SLC25A38: variants seen among roughly 807,000 people sequenced by gnomAD.
SLC25A38 encodes mitochondrial glycine transporter.
In SLC25A38, 27 loss-of-function variants were observed where a neutral mutation model predicts 33.4. The ratio of observed to expected loss-of-function variants is 0.81; its 90% CI spans 0.60 to 1.11. The LOEUF (loss-of-function observed/expected upper bound fraction) is 1.11. Among genes scored for constraint, SLC25A38 ranks in the 50% most tolerant of loss-of-function variants. The pLI is 0.00. For missense variants in SLC25A38, 344 were observed against 388.8 expected (o/e 0.88, Z 0.97); for synonymous variants, 123 against 145.9 (o/e 0.84, Z 1.13).
chr3:39,385,821 G>A (rs911060050), intron 1 of SLC25A38, among the ~76,000 whole-genome samples: 7 of 152,192 alleles, frequency 4.6e-5, no homozygotes, highest in East Asian at 3.8e-4. Context: ...GTAGAAGCCG[G>A]AAGGAGAGGC....
At chr3:39,394,904 C>T (rs1047712252) in intron 6 of SLC25A38, among the ~76,000 whole-genome samples, 2 of 151,686 alleles carry the variant, frequency 1.3e-5, no homozygotes, top group Admixed American at 6.6e-5. Context: ...ATCAGGAAAT[C>T]GGGGTGAAAT....
chr3:39,396,437 C>T lies in SLC25A38; in HGVS notation c.832C>T (p.Arg278Ter), dbSNP rs147431446. The change falls in exon 7 of 7, where the codon CGA (arginine) becomes TGA (stop). Residue 278 changes from arginine (R) to a stop codon, truncating the protein, a stop_gained. Transcript: ENST00000650617. LOFTEE classifies it high-confidence loss of function. Reference sequence around the variant, plus strand: ...TGGCTTCTTCCAAGGTGGCATCCCCCGAGCCCTCCGCAGAACTCTAATGGC... The same window carrying T: ...TGGCTTCTTCCAAGGTGGCATCCCCTGAGCCCTCCGCAGAACTCTAATGGC... Reference protein sequence around the residue: ...LRGFFQGGIPRALRRTLMAAM... With the variant: ...LRGFFQGGIP 19 of 1,614,056 alleles carry T rather than the reference C, an allele frequency of 1.2e-5. No homozygotes were observed. Among genetic ancestry groups the T allele is most frequent in the African/African-American group, 9.3e-5 (7 of 74,984 alleles).
rs558117786 is a variant in SLC25A38 at position 39,389,863 on chromosome 3, A to T, written c.191+247A>T. 1.3e-5 allele frequency among the ~76,000 whole-genome samples: 2 copies of T among 152,284 alleles called. No individual in the cohort carries two copies. The highest frequency in any genetic ancestry group is 4.8e-5 in the African/African-American group (2 of 41,550). ...TTACACTTTATTGTGTTAGCTTGTG[A>T]TGTTATAACTGTATTGCCTGGCATG... On this transcript the variant is annotated intron_variant, in intron 2 of 6. Coordinates refer to ENST00000650617, the MANE Select transcript of SLC25A38 (RefSeq NM_017875.4). The surrounding 1 kb of genome is among the most constrained non-coding windows in gnomAD (Gnocchi z 4.5).
At chr3:39,387,635 C>T (rs1319494612) in intron 1 of SLC25A38, among the ~76,000 whole-genome samples, 1 of 151,954 alleles carries the variant, frequency 6.6e-6, no homozygotes, top group Non-Finnish European at 1.5e-5. Context: ...GCCTGTGGGC[C>T]ATTTGAGGGA....
At chr3:39,386,176 A>T (rs915252686) in intron 1 of SLC25A38, among the ~76,000 whole-genome samples, 2 of 151,682 alleles carry the variant, frequency 1.3e-5, no homozygotes, top group Admixed American at 1.3e-4. Flanking sequence ...TTTTTATTCC[A>T]TCTTTTTTTT....
At chr3:39,390,604 C>A in intron 3 of SLC25A38, 97 bp downstream of exon 3, 1 of 1,266,750 alleles carries the variant, frequency 7.9e-7, no homozygotes. Flanking sequence ...ATGTGAGAGT[C>A]AGAAGTGGTG....
chr3:39,386,775 G>GCCA (rs1254051177), intron 1 of SLC25A38, among the ~76,000 whole-genome samples: 1 of 152,170 alleles, frequency 6.6e-6, no homozygotes, highest in Non-Finnish European at 1.5e-5. Flanking sequence ...CAAGTCCAAG[G>GCCA]ATGGTGCTCA....
At chr3:39,394,014 T>G in intron 5 of SLC25A38, among the ~76,000 whole-genome samples, 1 of 152,246 alleles carries the variant, frequency 6.6e-6, no homozygotes. Flanking sequence ...TGACCCATTA[T>G]GAGTGATAGT....
chr3:39,391,452 A>G lies in SLC25A38; in HGVS notation c.288A>G (p.Arg96=), dbSNP rs765578993. The part of the protein sequence containing the change: ...LWKGMSPSIV[R]CVPGVGIYFG... ...GACCTTCTCTGCAGTCCATTGTGAG[A>G]TGTGTCCCTGGCGTTGGAATCTACT... Residue 96 remains arginine (R), a synonymous_variant, in exon 4 of 7, where the codon AGA becomes AGG. Transcript: ENST00000650617. 1.8e-5 allele frequency: 29 copies of G among 1,613,434 alleles called. No individual in the cohort carries two copies. In the East Asian group the frequency reaches 4.5e-4, roughly 25 times the overall value.
rs375721601 is a variant in SLC25A38 at position 39,389,638 on chromosome 3, G to A, written c.191+22G>A. Reference sequence around the variant, plus strand: ...ATGGGTAGGCCCTGCATTTCATTGGGGAACTGATTTCAGCAACTTCTCAGA... The same window carrying A: ...ATGGGTAGGCCCTGCATTTCATTGGAGAACTGATTTCAGCAACTTCTCAGA... On this transcript the variant is annotated intron_variant, in intron 2 of 6. Transcript: ENST00000650617. The surrounding 1 kb of genome is among the most constrained non-coding windows in gnomAD (Gnocchi z 4.5). 1 of 1,613,974 alleles carries A rather than the reference G, an allele frequency of 6.2e-7. No homozygotes were observed. Among genetic ancestry groups the A allele is most frequent in the African/African-American group, 1.3e-5 (1 of 74,898 alleles).
chr3:39,386,651 T>G (rs556897086), intron 1 of SLC25A38, among the ~76,000 whole-genome samples: 2 of 152,174 alleles, frequency 1.3e-5, no homozygotes, highest in African/African-American at 4.8e-5. Context: ...AGATGACAAA[T>G]GGGTAAAAAA....
intron 6 of SLC25A38, among the ~76,000 whole-genome samples, chr3:39,396,125 G>T (rs778469337): frequency 6.6e-6 from 1 of 151,832 alleles, no homozygotes; most frequent in East Asian, 1.9e-4. Flanking sequence ...CAGGAGAATC[G>T]CTTGAACCCA....
At position 39,389,555 on chromosome 3, in the gene SLC25A38, C is replaced by G. The variant is rs756367484; in HGVS notation, c.130C>G (p.Leu44Val). The G allele has an allele frequency of 3.7e-6, 6 of 1,614,190 alleles. No individual in the cohort carries two copies. The South Asian group carries it at 6.6e-5, about 18-fold the overall frequency. ...CATCAGTGGGACCTGCTCTACCCTC[C>G]TTTTCCAACCTCTGGATCTCCTTAA... ...GSISGTCSTL[L>V]FQPLDLLKTR... Residue 44 changes from leucine (L) to valine (V), a missense_variant, in exon 2 of 7, where the codon CTT (leucine) becomes GTT (valine). Coordinates refer to ENST00000650617, the MANE Select transcript of SLC25A38 (RefSeq NM_017875.4). This position sits in a 1 kb window ranked among gnomAD's most constrained non-coding sequence, Gnocchi z 4.5.
intron 5 of SLC25A38, among the ~76,000 whole-genome samples, chr3:39,392,315 C>T (rs1284798244): frequency 6.6e-6 from 1 of 152,274 alleles, no homozygotes; most frequent in East Asian, 1.9e-4. Flanking sequence ...TGCAACAGTA[C>T]TTCCCAAATT....
chr3:39,383,894 C>T (rs2041676705), intron 1 of SLC25A38, 101 bp downstream of exon 1: 1 of 1,317,538 alleles, frequency 7.6e-7, no homozygotes, highest in Admixed American at 1.9e-5. Flanking sequence ...TTCCGCGCCC[C>T]AGGGTGCGCT....
chr3:39,393,672 T>A (rs906110054), intron 5 of SLC25A38, among the ~76,000 whole-genome samples: 2 of 152,130 alleles, frequency 1.3e-5, no homozygotes, highest in African/African-American at 2.4e-5. Flanking sequence ...GCTAATTTTG[T>A]ATTTTTAGTA....
At position 39,391,524 on chromosome 3, in the gene SLC25A38, C is replaced by T. The variant is rs2041766962; in HGVS notation, c.360C>T (p.Pro120=). 1 of 1,614,234 alleles carries T rather than the reference C, an allele frequency of 6.2e-7. No homozygotes were observed. The highest frequency in any genetic ancestry group is 1.1e-5 in the South Asian group (1 of 91,086). Residue 120 remains proline, a synonymous_variant, in exon 4 of 7, where the codon CCC becomes CCT. Coordinates refer to ENST00000650617, the MANE Select transcript of SLC25A38 (RefSeq NM_017875.4). ...AGCAGTATTTCTTGCGAGGCCATCC[C>T]CCAACCGCCCTGGAGTCAGTCATGC... The part of the protein sequence containing the change: ...SLKQYFLRGH[P]PTALESVMLG...
At position 39,396,514 on chromosome 3, in the gene SLC25A38, G is replaced by A; in HGVS notation, c.909G>A (p.Lys303=). The change falls in exon 7 of 7, where the codon AAG becomes AAA. Residue 303 remains lysine, a synonymous_variant. Transcript: ENST00000650617. The stretch of plus-strand genomic sequence containing the variant: ...AGATGATGGCCAAGATGGGCCTGAA[G>A]TCCTGACCAAGAGAGGACTGGGAAC... The part of the protein sequence containing the change: ...YEEMMAKMGL[K]S 1.2e-6 allele frequency: 2 copies of A among 1,614,098 alleles called. No homozygotes were observed. The highest frequency in any genetic ancestry group is 1.7e-6 in the Non-Finnish European group (2 of 1,180,008).
chr3:39,388,240 GCA>G, intron 1 of SLC25A38: 1 of 152,142 alleles, frequency 6.6e-6, no homozygotes, highest in Non-Finnish European at 1.5e-5. Flanking sequence ...GCTAAAATAC[GCA>G]CACCTTACTT....
Sources: allele counts gnomAD v4.1 joint callset (sites outside exome capture counted in the v4.1 genomes callset), GRCh38; gene constraint gnomAD v4.1.1; non-coding constraint Gnocchi (gnomAD v3.1); transcripts MANE v1.5; gene names NCBI Gene and HGNC (gene_info 2026-07-23, HGNC 2026-07-21).